The following ATP13A4 variants were observed in gnomAD, a reference collection of about 807,000 sequenced individuals.
The protein encoded by ATP13A4 is probable cation-transporting ATPase 13A4.
A neutral mutation model predicts 142.5 loss-of-function variants in ATP13A4; 114 were observed. The ratio of observed to expected loss-of-function variants is 0.80; its 90% CI spans 0.69 to 0.93. ATP13A4 has a LOEUF of 0.93. ATP13A4 is among the 40% of genes least tolerant of loss of function. The pLI is 0.00. For missense variants in ATP13A4, 1,392 were observed against 1,454.0 expected (o/e 0.96, Z 0.69); for synonymous variants, 488 against 514.8 (o/e 0.95, Z 0.70).
intron 11 of ATP13A4, 82 bp from the exon 12 acceptor site, chr3:193,465,210 G>A (rs550901837): frequency 2.2e-5 from 32 of 1,431,902 alleles, no homozygotes; most frequent in African/African-American, 4.3e-5. Context: ...TTTTTGAGGC[G>A]GAGTTTTGCT....
chr3:193,462,747 G>GTCCAAGAT lies in ATP13A4; in HGVS notation c.1523+14_1523+15insATCTTGGA. 1 of 1,610,598 alleles carries GTCCAAGAT rather than the reference G, an allele frequency of 6.2e-7. No homozygotes were observed. The highest frequency in any genetic ancestry group is 8.5e-7 in the Non-Finnish European group (1 of 1,176,838). On this transcript the variant is annotated intron_variant, in intron 13 of 29. Transcript: ENST00000342695. ...ACACTAGAATGCATTTAGTCCAAGA[G>GTCCAAGAT]TCCAAGGTACTCACCCATTCCTATC...
At chr3:193,549,878 T>C (rs1273146775) in intron 1 of ATP13A4, among the ~76,000 whole-genome samples, 5 of 152,206 alleles carry the variant, frequency 3.3e-5, no homozygotes, top group Non-Finnish European at 7.3e-5. Context: ...GTATATTTTT[T>C]AAGAATAGAA....
chr3:193,475,372 A>G (rs1202919794), intron 8 of ATP13A4, among the ~76,000 whole-genome samples: 1 of 152,086 alleles, frequency 6.6e-6, no homozygotes, highest in Non-Finnish European at 1.5e-5. Context: ...ATAGTTACGT[A>G]TGTAAAATAT....
rs556659759 is a variant in ATP13A4 at position 193,535,521 on chromosome 3, T to C, written c.60+19219A>G. Among the ~76,000 whole-genome samples the C allele has an allele frequency of 3.3e-5, 5 of 152,218 alleles. No individual in the cohort carries two copies. In the East Asian group the frequency reaches 9.7e-4, roughly 29 times the overall value. On this transcript the variant is annotated intron_variant, in intron 1 of 29. Transcript: ENST00000342695. ...CAAAGGCACGGTATATCAAAATTTGTGGAACACACTCAAAGCAGTGCTGAA... is the reference window on the plus strand; with the variant it reads ...CAAAGGCACGGTATATCAAAATTTGCGGAACACACTCAAAGCAGTGCTGAA...
chr3:193,538,867 A>G (rs1232042567), intron 1 of ATP13A4, among the ~76,000 whole-genome samples: 1 of 132,210 alleles, frequency 7.6e-6, no homozygotes, highest in Non-Finnish European at 1.7e-5. Flanking sequence ...GGAGGTGGCT[A>G]TTTTTCTTTC....
intron 12 of ATP13A4, among the ~76,000 whole-genome samples, chr3:193,463,673 T>A (rs1050346032): frequency 3.3e-5 from 5 of 152,254 alleles, no homozygotes; most frequent in African/African-American, 1.2e-4. Flanking sequence ...TAATTATTCA[T>A]AATTATTGCT....
At chr3:193,520,765 TTTCCATTAACAATGTTTACGTCCA>T (rs1322509571) in intron 1 of ATP13A4, among the ~76,000 whole-genome samples, 5 of 152,236 alleles carry the variant, frequency 3.3e-5, no homozygotes, top group Non-Finnish European at 4.4e-5. Flanking sequence ...TGAGTCCCAT[TTTCCATTAACAATGTTTACGTCCA>T]TTCAGTGGTT....
In ATP13A4 at chr3:193,399,890, T is replaced by A. The variant is rs66997084; in HGVS notation, c.*2762A>T. Among the ~76,000 whole-genome samples the A allele has an allele frequency of 4.1e-5, 6 of 145,998 alleles. No homozygotes were observed. The highest frequency in any genetic ancestry group is 6.0e-5 in the Non-Finnish European group (4 of 66,816). Reference sequence around the variant, plus strand: ...AAAGGTTCACATCACAGCATAAGACTGAGACACTGGGTGTATCAAGCTTGA... The same window carrying A: ...AAAGGTTCACATCACAGCATAAGACAGAGACACTGGGTGTATCAAGCTTGA... On this transcript the variant is annotated 3_prime_UTR_variant, in exon 30 of 30. Coordinates refer to ENST00000342695, the MANE Select transcript of ATP13A4 (RefSeq NM_032279.4).
intron 18 of ATP13A4, 110 bp from the exon 19 acceptor site, chr3:193,442,666 G>T: frequency 9.1e-7 from 1 of 1,102,470 alleles, no homozygotes; most frequent in Non-Finnish European, 1.4e-6. Context: ...GGTATGAAGA[G>T]AAATGATCTC....
chr3:193,444,320 C>T (rs1485013597), intron 18 of ATP13A4, among the ~76,000 whole-genome samples: 1 of 152,190 alleles, frequency 6.6e-6, no homozygotes, highest in Non-Finnish European at 1.5e-5. Context: ...TCAACTCTGA[C>T]TCCTATAGCT....
chr3:193,511,222 G>A (rs1053331964), intron 2 of ATP13A4, among the ~76,000 whole-genome samples: 1 of 152,226 alleles, frequency 6.6e-6, no homozygotes, highest in Non-Finnish European at 1.5e-5. Context: ...ATTAGCTGTG[G>A]AGGGGCAGTG....
intron 2 of ATP13A4, among the ~76,000 whole-genome samples, chr3:193,563,583 G>T (rs1577082408): frequency 6.6e-6 from 1 of 152,198 alleles, no homozygotes; most frequent in East Asian, 1.9e-4. Flanking sequence ...ACTTGAGCTT[G>T]CAAGGTCAAG....
intron 21 of ATP13A4, 54 bp downstream of exon 21, chr3:193,440,504 C>G (rs1207449448): frequency 6.8e-6 from 11 of 1,611,504 alleles, no homozygotes; most frequent in Non-Finnish European, 9.3e-6. Context: ...TCCACTCCCC[C>G]TGACTGTTAT....
At chr3:193,497,915 G>C (rs1005272441) in intron 3 of ATP13A4, among the ~76,000 whole-genome samples, 3 of 152,136 alleles carry the variant, frequency 2.0e-5, no homozygotes, top group Admixed American at 2.0e-4. Context: ...AGGTTGGGGG[G>C]AATAGCATAG....
At chr3:193,504,721 C>G (rs1194065040) in intron 2 of ATP13A4, among the ~76,000 whole-genome samples, 2 of 151,968 alleles carry the variant, frequency 1.3e-5, no homozygotes, top group Non-Finnish European at 2.9e-5. Flanking sequence ...AACATAGTTT[C>G]AATGAAAAAT....
intron 25 of ATP13A4, among the ~76,000 whole-genome samples, chr3:193,423,728 C>T (rs144802721): frequency 1.3e-4 from 20 of 149,640 alleles, no homozygotes; most frequent in Middle Eastern, 6.8e-3. Flanking sequence ...ATCATACTAA[C>T]GGGGAAAAGT....
In ATP13A4 at chr3:193,436,961, G is replaced by A. The variant is rs535544018; in HGVS notation, c.2673-1217C>T. 3.9e-4 allele frequency among the ~76,000 whole-genome samples: 58 copies of A among 148,592 alleles called. 5 individuals are homozygous for A. Among genetic ancestry groups the A allele is most frequent in the African/African-American group, 1.3e-3 (52 of 38,648 alleles). On this transcript the variant is annotated intron_variant, in intron 23 of 29. Coordinates refer to ENST00000342695, the MANE Select transcript of ATP13A4 (RefSeq NM_032279.4). ...CTACTAAAAATGCAAAAAATTAGCC[G>A]GGCGTGGTGGCGGGCGCCTGTAGTC...
intron 23 of ATP13A4, among the ~76,000 whole-genome samples, chr3:193,438,076 C>T (rs1401234590): frequency 6.6e-5 from 10 of 152,108 alleles, no homozygotes; most frequent in Admixed American, 6.5e-4. Flanking sequence ...TCGTGATCTG[C>T]CCACCTCGGC....
intron 1 of ATP13A4, among the ~76,000 whole-genome samples, chr3:193,520,696 A>AATT (rs1297443652): frequency 6.6e-6 from 1 of 152,196 alleles, no homozygotes; most frequent in African/African-American, 2.4e-5. Flanking sequence ...TGCAAAAAAA[A>AATT]ATTATTATTA....
Sources: allele counts gnomAD v4.1 joint callset (sites outside exome capture counted in the v4.1 genomes callset), GRCh38; gene constraint gnomAD v4.1.1; transcripts MANE v1.5; gene names NCBI Gene and HGNC (gene_info 2026-07-23, HGNC 2026-07-21).